The following MARCHF1 variants were observed in gnomAD, a reference collection of about 807,000 sequenced individuals.
MARCHF1 encodes membrane associated ring-CH-type finger 1.
In MARCHF1, 40 loss-of-function variants were observed where a neutral mutation model predicts 54.2. The ratio of observed to expected loss-of-function variants is 0.74; its 90% CI spans 0.57 to 0.96. MARCHF1 has a LOEUF of 0.96. Among genes scored for constraint, MARCHF1 ranks in the 40% least tolerant of loss-of-function variants. MARCHF1 has a pLI of 0.00. For synonymous variants in MARCHF1, 236 were observed against 236.3 expected, an observed-to-expected ratio of 1.00 and a Z score of 0.01; for missense variants, 586 against 656.5, an observed-to-expected ratio of 0.89 and a Z score of 1.17.
intron 1 of MARCHF1, among the ~76,000 whole-genome samples, chr4:164,175,711 C>G (rs754085990): frequency 2.6e-5 from 4 of 152,210 alleles, no homozygotes; most frequent in Non-Finnish European, 5.9e-5. Flanking sequence ...TGCTTCCAGT[C>G]TGTCTTCAGA....
chr4:163,789,972 T>C (rs1277971033), intron 4 of MARCHF1, among the ~76,000 whole-genome samples: 1 of 152,092 alleles, frequency 6.6e-6, no homozygotes, highest in Non-Finnish European at 1.5e-5. Context: ...CATTAAAGTG[T>C]TCTCAGAGCA....
chr4:163,542,567 T>C (rs1367697246), intron 9 of MARCHF1, among the ~76,000 whole-genome samples: 1 of 152,202 alleles, frequency 6.6e-6, no homozygotes, highest in Non-Finnish European at 1.5e-5. Flanking sequence ...ACAGGTAATC[T>C]ACCATGCAGT....
At chr4:163,973,767 G>GA (rs1752597471) in intron 3 of MARCHF1, among the ~76,000 whole-genome samples, 1 of 152,292 alleles carries the variant, frequency 6.6e-6, no homozygotes, top group South Asian at 2.1e-4. Context: ...GCTGCACTAA[G>GA]AAAAAGACAA....
At chr4:164,357,136 A>G (rs1420684983) in intron 1 of MARCHF1, among the ~76,000 whole-genome samples, 1 of 152,066 alleles carries the variant, frequency 6.6e-6, no homozygotes, top group African/African-American at 2.4e-5. Flanking sequence ...AAAAATAAAT[A>G]AAAATTTAGT....
At chr4:163,787,064 T>C (rs1747642694) in intron 4 of MARCHF1, among the ~76,000 whole-genome samples, 1 of 151,868 alleles carries the variant, frequency 6.6e-6, no homozygotes, top group Admixed American at 6.6e-5. Flanking sequence ...CCTTATACTA[T>C]ATACAAAAAT....
In MARCHF1 at chr4:164,176,970, C is replaced by CCCTATATA. The variant is rs3059788; in HGVS notation, c.-322-65309_-322-65308insTATATAGG. Among the ~76,000 whole-genome samples, 4 of 57,444 alleles carry CCCTATATA rather than the reference C, an allele frequency of 7.0e-5. 1 individual carries two copies. Among genetic ancestry groups the CCCTATATA allele is most frequent in the Admixed American group, 2.0e-4 (1 of 4,886 alleles). The allele number at this position is 57,444 out of a possible 152,430, so 37.7% of individuals were successfully genotyped here. ...TCTCTCTCTCTCTCTCTCTCTCTCT[C>CCCTATATA]TCTCTCTCTCTATATATATATATAT... On this transcript the variant is annotated intron_variant, in intron 1 of 9. Transcript: ENST00000514618.
intron 3 of MARCHF1, among the ~76,000 whole-genome samples, chr4:163,857,100 A>T (rs1749789133): frequency 6.7e-6 from 1 of 150,260 alleles, no homozygotes; most frequent in African/African-American, 2.4e-5. Flanking sequence ...ATCAGAAGGG[A>T]GAGAGAGAAA....
rs1397360420 is a variant in MARCHF1, at chr4:163,613,036, G to A, written c.245C>T (p.Ser82Phe). The A allele has an allele frequency of 1.3e-6, 2 of 1,485,968 alleles. No individual in the cohort carries two copies. The highest frequency in any genetic ancestry group is 1.3e-5 in the South Asian group (1 of 74,280). 92.0% of individuals were successfully genotyped at this position (1,485,968 alleles called of 1,614,324 possible). A position where few individuals can be genotyped will look rare whatever the true frequency, so the allele number is the denominator to read the frequency against. ...TTCTGACATGTCATGCAAGATGGCAGATCTAGACAGAGCAGCAGGCAAAGG... is the reference window on the plus strand; with the variant it reads ...TTCTGACATGTCATGCAAGATGGCAAATCTAGACAGAGCAGCAGGCAAAGG... Reference protein sequence around the residue: ...VCPSTQDICRSAILHDMSEES... With the variant: ...VCPSTQDICRFAILHDMSEES... Residue 82 changes from serine to phenylalanine, a missense_variant and splice_region_variant, in exon 7 of 10, where the codon TCT becomes TTT. This residue lies in a region of MARCHF1 where 387 missense variants were observed against 394.6 expected (regional missense o/e 0.98). Coordinates refer to ENST00000514618, the MANE Select transcript of MARCHF1 (RefSeq NM_001394959.1).
At chr4:163,723,495 A>G (rs2111299333) in intron 4 of MARCHF1, among the ~76,000 whole-genome samples, 1 of 152,050 alleles carries the variant, frequency 6.6e-6, no homozygotes, top group Middle Eastern at 3.4e-3. Flanking sequence ...TCTGACAATT[A>G]TGTGTCTTGG....
In MARCHF1 at chr4:164,136,246, G is replaced by C. The variant is rs192658606; in HGVS notation, c.-322-24584C>G. Among the ~76,000 whole-genome samples, 8 of 126,978 alleles carry C rather than the reference G, an allele frequency of 6.3e-5. No homozygotes were observed. The Admixed American group carries it at 7.0e-4, about 11-fold the overall frequency. 83.3% of individuals were successfully genotyped at this position (126,978 alleles called of 152,430 possible). On this transcript the variant is annotated intron_variant, in intron 1 of 9. Coordinates refer to ENST00000514618, the MANE Select transcript of MARCHF1 (RefSeq NM_001394959.1). The stretch of plus-strand genomic sequence containing the variant: ...TTGTAGGAGTCTAGGAGTCCAATCA[G>C]TAAGTTCCAGCAAACAGTTGAAGTG...
chr4:163,932,994 AT>A (rs1174858214), intron 3 of MARCHF1: 1 of 922,304 alleles, frequency 1.1e-6, no homozygotes, highest in Non-Finnish European at 1.7e-6. Flanking sequence ...CAAGAAAGAG[AT>A]ACAATCCACA....
intron 3 of MARCHF1, among the ~76,000 whole-genome samples, chr4:163,886,200 T>G (rs1260656967): frequency 1.3e-5 from 2 of 150,356 alleles, no homozygotes; most frequent in Non-Finnish European, 3.0e-5. Flanking sequence ...TATAGATCTA[T>G]CTCTCAATAT....
intron 4 of MARCHF1, among the ~76,000 whole-genome samples, chr4:163,719,378 G>A (rs1258091367): frequency 6.6e-6 from 1 of 152,106 alleles, no homozygotes; most frequent in East Asian, 1.9e-4. Context: ...TTTTGTGACT[G>A]CATAGTATTC....
In MARCHF1 at chr4:164,243,373, A is replaced by C. The variant is rs1292276959; in HGVS notation, c.-322-131711T>G. Among the ~76,000 whole-genome samples, 7 of 150,216 alleles carry C rather than the reference A, an allele frequency of 4.7e-5. No homozygotes were observed. The East Asian group carries it at 5.9e-4, about 13-fold the overall frequency. On this transcript the variant is annotated intron_variant, in intron 1 of 9. Transcript: ENST00000514618. ...TCAACCCAGAATTTCATATCCAGCC[A>C]AACTAAGCTTCATAAGTGAAGGAGA...
At chr4:163,694,751 T>C (rs1178652510) in intron 5 of MARCHF1, among the ~76,000 whole-genome samples, 1 of 152,166 alleles carries the variant, frequency 6.6e-6, no homozygotes, top group Non-Finnish European at 1.5e-5. Flanking sequence ...AAAAATATCT[T>C]GATAGCTGTT....
At chr4:163,718,160 G>T (rs1745324616) in intron 4 of MARCHF1, among the ~76,000 whole-genome samples, 1 of 152,154 alleles carries the variant, frequency 6.6e-6, no homozygotes. Context: ...ATTCAAGATG[G>T]ATTAAAGACT....
intron 5 of MARCHF1, among the ~76,000 whole-genome samples, chr4:163,659,745 G>C (rs781107022): frequency 6.6e-5 from 10 of 151,972 alleles, no homozygotes; most frequent in Admixed American, 2.6e-4. Flanking sequence ...CAAAGGATAT[G>C]AACAGACACT....
intron 1 of MARCHF1, among the ~76,000 whole-genome samples, chr4:164,369,592 T>C (rs759981922): frequency 2.6e-5 from 4 of 151,654 alleles, no homozygotes; most frequent in Non-Finnish European, 5.9e-5. Context: ...AAAAAGTACA[T>C]ATATACATAT....
chr4:163,782,632 G>A (rs185204874), intron 4 of MARCHF1, among the ~76,000 whole-genome samples: 4 of 137,120 alleles, frequency 2.9e-5, no homozygotes, highest in East Asian at 4.3e-4. Context: ...TAGTGCCACT[G>A]CACTCCAGCC....
Sources: allele counts gnomAD v4.1 joint callset (sites outside exome capture counted in the v4.1 genomes callset), GRCh38; gene constraint gnomAD v4.1.1; regional missense constraint gnomAD v4.1.1; transcripts MANE v1.5; gene names NCBI Gene and HGNC (gene_info 2026-07-23, HGNC 2026-07-21).